The following RPRD1B variants were observed in gnomAD, a reference collection of about 807,000 sequenced individuals.
RPRD1B encodes the protein regulation of nuclear pre-mRNA domain-containing protein 1B.
In RPRD1B, 11 loss-of-function variants were observed where a neutral mutation model predicts 41.5. The ratio of observed to expected loss-of-function variants is 0.27; its 90% CI spans 0.17 to 0.44. RPRD1B has a LOEUF of 0.44. Ranked by LOEUF, RPRD1B falls within the 20% of genes least tolerant of loss-of-function variation. The probability of loss-of-function intolerance (pLI) is 1.00; values close to 1 mark genes in which losing one functional copy is unlikely to be tolerated. For synonymous variants in RPRD1B, 158 were observed against 155.6 expected (o/e 1.02, Z -0.12); for missense variants, 248 against 389.9 (o/e 0.64, Z 3.06).
chr20:38,062,906 C>T (rs1392524727), intron 5 of RPRD1B, among the ~76,000 whole-genome samples: 2 of 137,760 alleles, frequency 1.5e-5, no homozygotes, highest in African/African-American at 5.5e-5. Flanking sequence ...ATGATCTTAG[C>T]TCATTGTAAC....
intron 3 of RPRD1B, chr20:38,049,637 A>C: frequency 2.2e-6 from 1 of 444,586 alleles, no homozygotes; most frequent in South Asian, 1.7e-5. Flanking sequence ...CAAAGTGCTG[A>C]TATTATAGGC....
Position 38,040,659 on chromosome 20 carries a change from A to G in RPRD1B, c.281+95A>G, listed in dbSNP as rs16987098. ...CTGTGATAGCCTTTGTAAATTGACA[A>G]CTTCCTACTTTACAGAGAGTTGTGG... On this transcript the variant is annotated intron_variant, in intron 2 of 6. Transcript: ENST00000373433. 1.2e-3 allele frequency: 1,663 copies of G among 1,356,588 alleles called. 25 individuals carry two copies. In the African/African-American group the frequency reaches 0.022, roughly 18 times the overall value. 84.0% of individuals were successfully genotyped at this position (1,356,588 alleles called of 1,614,324 possible). A position where few individuals can be genotyped will look rare whatever the true frequency, so the allele number is the denominator to read the frequency against.
chr20:38,059,810 G>A (rs942734970), intron 5 of RPRD1B, among the ~76,000 whole-genome samples: 2 of 152,176 alleles, frequency 1.3e-5, no homozygotes, highest in African/African-American at 4.8e-5. Flanking sequence ...GTGTGCGTGT[G>A]GGGTGGGTGG....
At chr20:38,081,906 G>A (rs1314845276) in intron 6 of RPRD1B, among the ~76,000 whole-genome samples, 1 of 152,186 alleles carries the variant, frequency 6.6e-6, no homozygotes, top group African/African-American at 2.4e-5. Context: ...AACAAATAAA[G>A]CCTACTTGAT....
In RPRD1B at chr20:38,048,215, A is replaced by G. The variant is rs186700832; in HGVS notation, c.282-133A>G. 1.6e-3 allele frequency: 1,446 copies of G among 888,412 alleles called. 2 individuals are homozygous for G. Among genetic ancestry groups the G allele is most frequent in the Non-Finnish European group, 2.1e-3 (1,274 of 618,222 alleles). The allele number at this position is 888,412 out of a possible 1,614,324, so 55.0% of individuals were successfully genotyped here. On this transcript the variant is annotated intron_variant, in intron 2 of 6. Transcript: ENST00000373433. ...GTTTTGGGTATCCAGGTATTACAATATGTACCTTATTTGGTTTTAAATGTG... is the reference window on the plus strand; with the variant it reads ...GTTTTGGGTATCCAGGTATTACAATGTGTACCTTATTTGGTTTTAAATGTG...
chr20:38,076,558 A>C lies in RPRD1B; in HGVS notation c.831+10302A>C, dbSNP rs138555486. Among the ~76,000 whole-genome samples, 284 of 152,164 alleles carry C rather than the reference A, an allele frequency of 1.9e-3. 1 individual carries two copies. Among genetic ancestry groups the C allele is most frequent in the African/African-American group, 4.9e-3 (203 of 41,516 alleles). On this transcript the variant is annotated intron_variant, in intron 6 of 6. Coordinates refer to ENST00000373433, the MANE Select transcript of RPRD1B (RefSeq NM_021215.4). ...ACCCTCCCTTTATAACTACCACCAT[A>C]TCCACTTCCCTTGCTGCCTCTGCTT...
chr20:38,067,467 C>T (rs965172989), intron 6 of RPRD1B, among the ~76,000 whole-genome samples: 1 of 152,220 alleles, frequency 6.6e-6, no homozygotes, highest in African/African-American at 2.4e-5. Context: ...GCTCAGGAAA[C>T]GTGCTCTGGC....
Position 38,092,302 on chromosome 20 carries a change from G to T in RPRD1B, c.*2427G>T. ...GAAGTATAGGCTGTCGTTGGCGGCAGCAGTATATTCTGAAATGTCTCATAG... is the reference window on the plus strand; with the variant it reads ...GAAGTATAGGCTGTCGTTGGCGGCATCAGTATATTCTGAAATGTCTCATAG... On this transcript the variant is annotated 3_prime_UTR_variant, in exon 7 of 7. Coordinates refer to ENST00000373433, the MANE Select transcript of RPRD1B (RefSeq NM_021215.4). The T allele has an allele frequency of 2.5e-5, 25 of 985,098 alleles. No individual in the cohort carries two copies. The highest frequency in any genetic ancestry group is 2.9e-5 in the Non-Finnish European group (24 of 829,250). 61.0% of individuals were successfully genotyped at this position (985,098 alleles called of 1,614,324 possible).
At chr20:38,066,695 G>A (rs991621237) in intron 6 of RPRD1B, among the ~76,000 whole-genome samples, 1 of 151,860 alleles carries the variant, frequency 6.6e-6, no homozygotes, top group African/African-American at 2.4e-5. Flanking sequence ...TCGCTCCGTC[G>A]CCCAGGCTGG....
intron 3 of RPRD1B, chr20:38,049,851 G>C (rs991655140): frequency 2.1e-6 from 1 of 470,890 alleles, no homozygotes; most frequent in African/African-American, 2.0e-5. Flanking sequence ...ATCTGAACTA[G>C]CCTGTTTTTC....
At chr20:38,052,161 G>T (rs931565209) in intron 3 of RPRD1B, among the ~76,000 whole-genome samples, 2 of 152,330 alleles carry the variant, frequency 1.3e-5, no homozygotes, top group Admixed American at 1.3e-4. Flanking sequence ...TTCTAGGATA[G>T]TGATGAGGAT....
intron 2 of RPRD1B, among the ~76,000 whole-genome samples, chr20:38,046,542 AG>A: frequency 6.6e-6 from 1 of 152,340 alleles, no homozygotes; most frequent in South Asian, 2.1e-4. Flanking sequence ...ATACCAGAAA[AG>A]TTGTATGGAG....
At chr20:38,040,913 A>G (rs1264306549) in intron 2 of RPRD1B, among the ~76,000 whole-genome samples, 3 of 152,272 alleles carry the variant, frequency 2.0e-5, no homozygotes, top group Non-Finnish European at 2.9e-5. Context: ...CCTTTTAGTA[A>G]CATAACTTAA....
intron 3 of RPRD1B, among the ~76,000 whole-genome samples, chr20:38,049,000 A>G (rs1271869269): frequency 6.6e-6 from 1 of 152,144 alleles, no homozygotes; most frequent in Non-Finnish European, 1.5e-5. Flanking sequence ...TCCAGGCTGG[A>G]GTGCAGTGGC....
chr20:38,089,255 T>G (rs558582255), intron 6 of RPRD1B, among the ~76,000 whole-genome samples: 2 of 152,250 alleles, frequency 1.3e-5, no homozygotes, highest in African/African-American at 4.8e-5. Flanking sequence ...ATTTTGAGCT[T>G]CTATAGTGCT....
Position 38,091,419 on chromosome 20 carries a change from A to G in RPRD1B, c.*1544A>G, listed in dbSNP as rs970558723. ...AGAACAATGAAAAGTCATAGCAGAT[A>G]CTCAGTTTAACTCTGTGTAGAACCT... On this transcript the variant is annotated 3_prime_UTR_variant, in exon 7 of 7. Transcript: ENST00000373433. The G allele has an allele frequency of 1.0e-6, 1 of 985,262 alleles. No homozygotes were observed. Among genetic ancestry groups the G allele is most frequent in the African/African-American group, 1.7e-5 (1 of 57,214 alleles). 61.0% of individuals were successfully genotyped at this position (985,262 alleles called of 1,614,324 possible). A position where few individuals can be genotyped will look rare whatever the true frequency, so the allele number is the denominator to read the frequency against.
At chr20:38,070,593 G>T (rs1453141701) in intron 6 of RPRD1B, 4 of 985,338 alleles carry the variant, frequency 4.1e-6, no homozygotes, top group Admixed American at 1.2e-4. Flanking sequence ...TGTCTTGTCA[G>T]CGTGAATAAA....
intron 2 of RPRD1B, among the ~76,000 whole-genome samples, chr20:38,043,160 A>G (rs939767118): frequency 2.0e-5 from 3 of 152,200 alleles, no homozygotes; most frequent in Non-Finnish European, 4.4e-5. Context: ...AAATGGAGTG[A>G]TGTTCTAGAG....
At chr20:38,034,898 AC>A (rs2073981933) in intron 1 of RPRD1B, among the ~76,000 whole-genome samples, 1 of 152,144 alleles carries the variant, frequency 6.6e-6, no homozygotes, top group Admixed American at 6.5e-5. Flanking sequence ...CGCCTTACTG[AC>A]CCCAGCAACT....
Sources: gnomAD v4.1 joint callset for allele counts (sites outside exome capture counted in the v4.1 genomes callset) on GRCh38, gnomAD v4.1.1 for gene constraint, MANE v1.5 for transcripts, NCBI Gene and HGNC (gene_info 2026-07-23, HGNC 2026-07-21) for gene names.